Variants in AGO2 observed in about 807,000 individuals in gnomAD.
AGO2 encodes the protein protein argonaute-2.
In AGO2, 5 loss-of-function variants were observed where a neutral mutation model predicts 102.3. The ratio of observed to expected loss-of-function variants is 0.05; its 90% CI spans 0.03 to 0.10. The LOEUF (loss-of-function observed/expected upper bound fraction) is 0.10. Among genes scored for constraint, AGO2 ranks in the 10% least tolerant of loss-of-function variants. The probability of loss-of-function intolerance (pLI) is 1.00; values close to 1 mark genes in which losing one functional copy is unlikely to be tolerated. For synonymous variants in AGO2, 449 were observed against 473.1 expected (o/e 0.95, Z 0.66); for missense variants, 541 against 1,183.7 (o/e 0.46, Z 7.97).
At chr8:140,584,720 G>A (rs1196628254) in intron 2 of AGO2, among the ~76,000 whole-genome samples, 2 of 152,060 alleles carry the variant, frequency 1.3e-5, no homozygotes, top group Non-Finnish European at 2.9e-5. Flanking sequence ...CGGGATTGAG[G>A]GTGTGTCACT....
chr8:140,612,839 A>G (rs1338503947), intron 1 of AGO2, among the ~76,000 whole-genome samples: 1 of 152,158 alleles, frequency 6.6e-6, no homozygotes, highest in East Asian at 1.9e-4. Context: ...AGGCTACAAC[A>G]ACAACCCTCC....
At chr8:140,548,156 T>C (rs1002346517) in intron 12 of AGO2, among the ~76,000 whole-genome samples, 1 of 151,792 alleles carries the variant, frequency 6.6e-6, no homozygotes, top group African/African-American at 2.4e-5. Flanking sequence ...TCTCTACTAA[T>C]AATATAAAAA....
chr8:140,618,763 T>A (rs962432882), intron 1 of AGO2, among the ~76,000 whole-genome samples: 1 of 151,610 alleles, frequency 6.6e-6, no homozygotes, highest in Admixed American at 6.6e-5. Flanking sequence ...AAGGCTGCAG[T>A]GAGCCGTGAT....
chr8:140,595,978 T>TATATAATATATATATTATATATATA (rs2073836945), intron 1 of AGO2, among the ~76,000 whole-genome samples: 1 of 126,264 alleles, frequency 7.9e-6, no homozygotes, highest in Non-Finnish European at 1.6e-5. Context: ...TTATATATAT[T>TATATAATATATATATTATATATATA]ATATAATATA....
At chr8:140,541,021 C>T (rs1442577455) in intron 15 of AGO2, 143 bp downstream of exon 15, 2 of 990,192 alleles carry the variant, frequency 2.0e-6, no homozygotes, top group Admixed American at 6.0e-5. Context: ...CCCCTGGACC[C>T]CCTTCCATGG....
At chr8:140,563,977 C>T (rs1326508234) in intron 3 of AGO2, among the ~76,000 whole-genome samples, 3 of 152,270 alleles carry the variant, frequency 2.0e-5, no homozygotes, top group African/African-American at 7.2e-5. Flanking sequence ...CAGGTACACA[C>T]CCTTTCCACC....
In AGO2 at chr8:140,581,407, C is replaced by T. The variant is rs1052941810; in HGVS notation, c.215+3712G>A. ...CGCATGCCTGCAATCCCAGCTACTCCGGACGGGTAGCTGAGGCACGAGAAT... is the reference window on the plus strand; with the variant it reads ...CGCATGCCTGCAATCCCAGCTACTCTGGACGGGTAGCTGAGGCACGAGAAT... On this transcript the variant is annotated intron_variant, in intron 2 of 18. Coordinates refer to ENST00000220592, the MANE Select transcript of AGO2 (RefSeq NM_012154.5). Among the ~76,000 whole-genome samples, 7 of 152,124 alleles carry T rather than the reference C, an allele frequency of 4.6e-5. No individual in the cohort carries two copies. In the East Asian group the frequency reaches 5.8e-4, roughly 13 times the overall value.
Position 140,526,025 on chromosome 8 carries a change from T to G in AGO2, c.*6019A>C, listed in dbSNP as rs2072499027. On this transcript the variant is annotated 3_prime_UTR_variant, in exon 19 of 19. Coordinates refer to ENST00000220592, the MANE Select transcript of AGO2 (RefSeq NM_012154.5). This position sits in a 1 kb window ranked among gnomAD's most constrained non-coding sequence, Gnocchi z 5.2. ...AGGGCCCTGGATTTGAACAGAATGC[T>G]TTGCTTTCAACCCTTAGTTTGTTTT... The G allele has an allele frequency of 1.3e-5, 2 of 152,190 alleles. No individual in the cohort carries two copies. The highest frequency in any genetic ancestry group is 4.8e-5 in the African/African-American group (2 of 41,440). 9.4% of individuals were successfully genotyped at this position (152,190 alleles called of 1,614,324 possible).
intron 1 of AGO2, among the ~76,000 whole-genome samples, chr8:140,600,931 CA>C (rs1295883940): frequency 6.8e-4 from 97 of 142,400 alleles, no homozygotes; most frequent in African/African-American, 8.3e-4. Context: ...GGCTCCGTCT[CA>C]AAAAAAAAAA....
intron 1 of AGO2, among the ~76,000 whole-genome samples, chr8:140,624,739 T>C (rs1330164325): frequency 2.0e-5 from 3 of 152,128 alleles, no homozygotes; most frequent in Non-Finnish European, 4.4e-5. Flanking sequence ...ATGCGGGGCA[T>C]ATAAGGAGCA....
intron 1 of AGO2, among the ~76,000 whole-genome samples, chr8:140,619,931 C>T (rs557751238): frequency 7.7e-4 from 117 of 152,282 alleles, no homozygotes; most frequent in Non-Finnish European, 1.4e-3. Context: ...CACACGCATG[C>T]TAGTGTGGAC....
chr8:140,550,764 A>C (rs2132909899), intron 11 of AGO2, among the ~76,000 whole-genome samples: 1 of 152,134 alleles, frequency 6.6e-6, no homozygotes, highest in Non-Finnish European at 1.5e-5. Flanking sequence ...CTACAGGTGC[A>C]CCACCACGCT....
chr8:140,551,229 C>T (rs1433871354), intron 11 of AGO2, 74 bp downstream of exon 11: 4 of 1,406,758 alleles, frequency 2.8e-6, no homozygotes, highest in South Asian at 1.6e-5. Flanking sequence ...CCAGAGTCAG[C>T]CCTGCAAGTG....
chr8:140,621,040 C>T (rs984775904), intron 1 of AGO2, among the ~76,000 whole-genome samples: 3 of 152,144 alleles, frequency 2.0e-5, no homozygotes, highest in Admixed American at 6.5e-5. Context: ...CTGAATTGTG[C>T]CCATCCATGC....
rs1048569191 is a variant in AGO2 at position 140,530,549 on chromosome 8, G to C, written c.*1495C>G. 5 of 152,298 alleles carry C rather than the reference G, an allele frequency of 3.3e-5. No homozygotes were observed. The highest frequency in any genetic ancestry group is 5.9e-5 in the Non-Finnish European group (4 of 68,070). 9.4% of individuals were successfully genotyped at this position (152,298 alleles called of 1,614,324 possible). A position where few individuals can be genotyped will look rare whatever the true frequency, so the allele number is the denominator to read the frequency against. ...AAGCCCACTCAGCACAAACAGAGTT[G>C]TCTGTTGTTAGCCTTCAAAATCGTC... is the stretch of plus-strand genomic sequence containing the variant. On this transcript the variant is annotated 3_prime_UTR_variant, in exon 19 of 19. Coordinates refer to ENST00000220592, the MANE Select transcript of AGO2 (RefSeq NM_012154.5).
At chr8:140,621,549 G>A (rs970703359) in intron 1 of AGO2, among the ~76,000 whole-genome samples, 2 of 152,290 alleles carry the variant, frequency 1.3e-5, no homozygotes, top group Non-Finnish European at 2.9e-5. Flanking sequence ...ATCCAGGATG[G>A]AGTCTGGGTA....
chr8:140,560,268 G>C, intron 5 of AGO2, 106 bp downstream of exon 5: 1 of 1,488,730 alleles, frequency 6.7e-7, no homozygotes, highest in South Asian at 1.3e-5. Flanking sequence ...GGCTCTGACA[G>C]AGGCCATGCG....
At chr8:140,592,878 T>C (rs767365824) in intron 1 of AGO2, 1 of 152,290 alleles carries the variant, frequency 6.6e-6, no homozygotes, top group Non-Finnish European at 1.5e-5. Context: ...TCTCTTCTCA[T>C]GTCCTCGCTC....
At chr8:140,631,256 C>T (rs1054727191) in intron 1 of AGO2, among the ~76,000 whole-genome samples, 8 of 152,104 alleles carry the variant, frequency 5.3e-5, no homozygotes, top group Non-Finnish European at 7.4e-5. Flanking sequence ...TTTTAAAAGA[C>T]GTAGGCCGGG....
Sources: allele counts gnomAD v4.1 joint callset (sites outside exome capture counted in the v4.1 genomes callset), GRCh38; gene constraint gnomAD v4.1.1; non-coding constraint Gnocchi (gnomAD v3.1); transcripts MANE v1.5; gene names NCBI Gene and HGNC (gene_info 2026-07-23, HGNC 2026-07-21).